The following APBB2 variants were observed in gnomAD, a reference collection of about 807,000 sequenced individuals.
The protein encoded by APBB2 is amyloid beta precursor protein binding family B member 2, also known as Fe65-like 1.
A neutral mutation model predicts 82.5 loss-of-function variants in APBB2; 38 were observed. That is an observed-to-expected ratio of 0.46 (90% CI 0.36 to 0.60). The LOEUF (loss-of-function observed/expected upper bound fraction) is 0.60, where lower values mean the gene tolerates loss of function less well. Ranked by LOEUF, APBB2 falls within the 20% of genes least tolerant of loss-of-function variation. APBB2 has a pLI of 0.00. For missense variants in APBB2, 772 were observed against 972.3 expected (o/e 0.79, Z 2.74); for synonymous variants, 341 against 368.2 (o/e 0.93, Z 0.85).
chr4:40,880,518 A>G, intron 12 of APBB2: 1 of 985,454 alleles, frequency 1.0e-6, no homozygotes, highest in Non-Finnish European at 1.2e-6. Flanking sequence ...TATCATGGTT[A>G]TGACTTCCTC....
At chr4:41,008,392 T>C (rs1393213257) in intron 6 of APBB2, among the ~76,000 whole-genome samples, 1 of 152,210 alleles carries the variant, frequency 6.6e-6, no homozygotes, top group Admixed American at 6.5e-5. Context: ...ACATCGAGTG[T>C]CTTATTCAAC....
chr4:40,893,244 A>G (rs368636661), intron 11 of APBB2, 21 bp downstream of exon 11: 3 of 1,610,742 alleles, frequency 1.9e-6, no homozygotes, highest in Non-Finnish European at 2.5e-6. Context: ...CCTGCCGTGC[A>G]TCATTCTACA....
chr4:41,195,637 T>C, intron 1 of APBB2, among the ~76,000 whole-genome samples: 1 of 152,274 alleles, frequency 6.6e-6, no homozygotes, highest in East Asian at 1.9e-4. Flanking sequence ...AGCCTTCACA[T>C]CTTCGTTGGC....
At position 41,084,331 on chromosome 4, in the gene APBB2, G is replaced by A. The variant is rs185256008; in HGVS notation, c.-149+16308C>T. ...CCCAGCTAATTAGGAGGCTGAAGCA[G>A]GAGACTTGCTTGAACCCAGGTGGCA... On this transcript the variant is annotated intron_variant, in intron 3 of 17. Coordinates refer to ENST00000508593, the MANE Select transcript of APBB2 (RefSeq NM_004307.2). 2.8e-3 allele frequency among the ~76,000 whole-genome samples: 431 copies of A among 152,312 alleles called. 2 individuals are homozygous for A. Among genetic ancestry groups the A allele is most frequent in the African/African-American group, 9.8e-3 (407 of 41,572 alleles).
intron 4 of APBB2, among the ~76,000 whole-genome samples, chr4:41,062,317 C>T (rs770338398): frequency 6.6e-5 from 10 of 150,680 alleles, no homozygotes; most frequent in East Asian, 3.9e-4. Flanking sequence ...GCATTACAGG[C>T]GCCCTCAAAC....
intron 12 of APBB2, among the ~76,000 whole-genome samples, chr4:40,847,221 G>C (rs1472870908): frequency 1.3e-5 from 2 of 152,082 alleles, no homozygotes; most frequent in African/African-American, 4.8e-5. Flanking sequence ...CCAGCACTTT[G>C]GGAGGTTGAG....
At chr4:41,089,820 C>T (rs1741083718) in intron 3 of APBB2, among the ~76,000 whole-genome samples, 2 of 152,142 alleles carry the variant, frequency 1.3e-5, no homozygotes, top group African/African-American at 4.8e-5. Context: ...AAGGTAACTG[C>T]ATCACTATTT....
intron 16 of APBB2, 48 bp from the exon 17 acceptor site, chr4:40,822,098 G>C: frequency 1.3e-6 from 2 of 1,599,092 alleles, no homozygotes; most frequent in East Asian, 2.2e-5. Flanking sequence ...CCAGGATCAA[G>C]CTTAAGAGTG....
At chr4:41,010,024 T>C (rs16852685) in intron 6 of APBB2, among the ~76,000 whole-genome samples, 6,992 of 152,278 alleles carry the variant, frequency 0.046, 341 homozygotes, top group African/African-American at 0.13. Context: ...CACCAATCTA[T>C]GTATTACCTG....
Position 40,893,369 on chromosome 4 carries a change from C to T in APBB2, c.1297G>A (p.Glu433Lys). 6.2e-7 allele frequency: 1 copy of T among 1,613,756 alleles called. No homozygotes were observed. The highest frequency in any genetic ancestry group is 1.1e-5 in the South Asian group (1 of 90,940). Reference protein sequence around the residue: ...RSLGWVEMAEEDLAPGKSSVA... With the variant: ...RSLGWVEMAEKDLAPGKSSVA... ...CTACTTTTACCGGGGGCGAGGTCCT[C>T]TTCTGCCATCTCTACCCATCCCAGA... The change falls in exon 11 of 18, where the codon GAG becomes AAG. Residue 433 changes from glutamate (E) to lysine (K), a missense_variant. Physicochemically the swap from Glu to Lys is moderately conservative, Grantham distance 56. Coordinates refer to ENST00000508593, the MANE Select transcript of APBB2 (RefSeq NM_004307.2).
intron 17 of APBB2, 38 bp from the exon 18 acceptor site, chr4:40,816,297 A>T: frequency 6.2e-7 from 1 of 1,608,722 alleles, no homozygotes; most frequent in Non-Finnish European, 8.5e-7. Flanking sequence ...GTAATTAACA[A>T]CATATTATTT....
rs1469719090 is a variant in APBB2, at chr4:40,982,361, AG to A, written c.835+31221del. On this transcript the variant is annotated intron_variant, in intron 6 of 17. Transcript: ENST00000508593. ...AAGGAAGGAAGGAAGGAAGGAAGGA[AG>A]GAAGGAAGGAAGGAAGGAAGGAAGG... 1.1e-4 allele frequency among the ~76,000 whole-genome samples: 2 copies of A among 17,418 alleles called. 1 individual carries two copies. The highest frequency in any genetic ancestry group is 4.6e-4 in the African/African-American group (2 of 4,326). 11.4% of individuals were successfully genotyped at this position (17,418 alleles called of 152,430 possible). A position where few individuals can be genotyped will look rare whatever the true frequency, so the allele number is the denominator to read the frequency against.
At chr4:40,974,968 T>C (rs1796797489) in intron 6 of APBB2, among the ~76,000 whole-genome samples, 1 of 152,234 alleles carries the variant, frequency 6.6e-6, no homozygotes, top group African/African-American at 2.4e-5. Flanking sequence ...TTCTCCAATT[T>C]CTGCTACAAC....
At chr4:40,920,490 G>A (rs1780981624) in intron 10 of APBB2, among the ~76,000 whole-genome samples, 1 of 152,122 alleles carries the variant, frequency 6.6e-6, no homozygotes, top group East Asian at 1.9e-4. Context: ...CATGTCTTTA[G>A]GTGAACCTGA....
intron 6 of APBB2, among the ~76,000 whole-genome samples, chr4:40,964,757 C>CACACACACACACACACACACACACACAA (rs1794201535): frequency 6.6e-6 from 1 of 151,682 alleles, no homozygotes; most frequent in Non-Finnish European, 1.5e-5. Context: ...TGAATAAACA[C>CACACACACACACACACACACACACACAA]ACACACACAC....
chr4:41,129,576 A>T (rs996188943), intron 2 of APBB2, among the ~76,000 whole-genome samples: 112 of 152,114 alleles, frequency 7.4e-4, no homozygotes, highest in African/African-American at 2.6e-3. Flanking sequence ...GCCTCACTGA[A>T]CCATGTGCGC....
At position 41,013,940 on chromosome 4, in the gene APBB2, T is replaced by C; in HGVS notation, c.478A>G (p.Ser160Gly). ...ILPSQPRRTK[S>G]FLNYYADLET... is the part of the protein sequence containing the mutation. The stretch of plus-strand genomic sequence containing the variant: ...AGATCTGCATAGTAATTTAGGAAGC[T>C]CTTAGTTCTCCTGGGCTGGGAGGGT... The change falls in exon 6 of 18, where the codon AGC becomes GGC. Residue 160 changes from serine (S) to glycine (G), a missense_variant. Physicochemically the swap from Ser to Gly is moderately conservative, Grantham distance 56. Coordinates refer to ENST00000508593, the MANE Select transcript of APBB2 (RefSeq NM_004307.2). 1.2e-6 allele frequency: 2 copies of C among 1,614,160 alleles called. No individual in the cohort carries two copies. The highest frequency in any genetic ancestry group is 1.7e-6 in the Non-Finnish European group (2 of 1,180,034).
chr4:41,138,418 G>T (rs929924091), intron 2 of APBB2, among the ~76,000 whole-genome samples: 1 of 152,046 alleles, frequency 6.6e-6, no homozygotes, highest in African/African-American at 2.4e-5. Context: ...TTTCATTGTT[G>T]GGGGGAAAGA....
chr4:41,091,913 T>C (rs1015546038), intron 3 of APBB2, among the ~76,000 whole-genome samples: 3 of 152,222 alleles, frequency 2.0e-5, no homozygotes, highest in African/African-American at 7.2e-5. Context: ...CTCTATGCTC[T>C]ATTTTTTCTT....
Sources: allele counts gnomAD v4.1 joint callset (sites outside exome capture counted in the v4.1 genomes callset), GRCh38; gene constraint gnomAD v4.1.1; transcripts MANE v1.5; gene names NCBI Gene and HGNC (gene_info 2026-07-23, HGNC 2026-07-21).